DPYD: variants seen among roughly 807,000 people sequenced by gnomAD.
DPYD encodes dihydropyrimidine dehydrogenase [NADP(+)].
In DPYD, 109 loss-of-function variants were observed where a neutral mutation model predicts 116.2. That is an observed-to-expected ratio of 0.94 (90% CI 0.80 to 1.10). The LOEUF (loss-of-function observed/expected upper bound fraction) is 1.10, where lower values mean the gene tolerates loss of function less well. Among genes scored for constraint, DPYD ranks in the 50% least tolerant of loss-of-function variants. The pLI is 0.00. For synonymous variants in DPYD, 440 were observed against 432.0 expected (o/e 1.02, Z -0.23); for missense variants, 1,302 against 1,254.5 (o/e 1.04, Z -0.57).
intron 4 of DPYD, among the ~76,000 whole-genome samples, chr1:97,723,191 T>C (rs551739745): frequency 6.6e-6 from 1 of 151,796 alleles, no homozygotes; most frequent in East Asian, 1.9e-4. Context: ...CAGTGTCCCT[T>C]CAGCAATGAA....
chr1:97,814,732 C>T (rs1367126793), intron 3 of DPYD, among the ~76,000 whole-genome samples: 1 of 151,634 alleles, frequency 6.6e-6, no homozygotes, highest in Non-Finnish European at 1.5e-5. Context: ...GGTGAAACCC[C>T]GTATCCACTA....
intron 1 of DPYD, among the ~76,000 whole-genome samples, chr1:97,912,100 T>C (rs1673968228): frequency 6.6e-6 from 1 of 152,134 alleles, no homozygotes; most frequent in African/African-American, 2.4e-5. Context: ...TGGTTCCATT[T>C]CCATTTTGCT....
intron 2 of DPYD, among the ~76,000 whole-genome samples, chr1:97,877,437 T>C (rs1409850707): frequency 2.0e-5 from 3 of 151,932 alleles, no homozygotes; most frequent in Non-Finnish European, 4.4e-5. Context: ...ATACTTACAA[T>C]AGAATTAAGT....
chr1:97,815,007 G>A (rs1201813273), intron 3 of DPYD, among the ~76,000 whole-genome samples: 2 of 149,738 alleles, frequency 1.3e-5, no homozygotes. Context: ...AAGGGAAAGG[G>A]AAAAGGAAAA....
chr1:97,182,672 C>A (rs1171470470), intron 20 of DPYD, among the ~76,000 whole-genome samples: 1 of 152,050 alleles, frequency 6.6e-6, no homozygotes, highest in Non-Finnish European at 1.5e-5. Context: ...CAGGGCCATA[C>A]AATGAACTTG....
At position 97,082,314 on chromosome 1, in the gene DPYD, C is replaced by A. The variant is rs2101557716; in HGVS notation, c.2907+16G>T. On this transcript the variant is annotated intron_variant, in intron 22 of 22. Transcript: ENST00000370192. ...AAACATGTCTCATAGCATTCTAATT[C>A]CAGCAGGATTCTTACCTGGTAGCCA... 1 of 1,613,232 alleles carries A rather than the reference C, an allele frequency of 6.2e-7. No individual in the cohort carries two copies. The highest frequency in any genetic ancestry group is 8.5e-7 in the Non-Finnish European group (1 of 1,179,378).
intron 1 of DPYD, among the ~76,000 whole-genome samples, chr1:97,889,437 C>T (rs1445877502): frequency 1.3e-5 from 2 of 151,914 alleles, no homozygotes. Flanking sequence ...ACATATCATG[C>T]AAATAGCAGC....
intron 11 of DPYD, among the ~76,000 whole-genome samples, chr1:97,566,011 A>C (rs1652493193): frequency 6.6e-6 from 1 of 152,160 alleles, no homozygotes; most frequent in South Asian, 2.1e-4. Flanking sequence ...TTAATCTAAC[A>C]GTGCGGTGTT....
chr1:97,868,850 A>T (rs1671522216), intron 2 of DPYD, among the ~76,000 whole-genome samples: 1 of 151,726 alleles, frequency 6.6e-6, no homozygotes. Context: ...GACATATACC[A>T]CTGTGCTCCT....
chr1:97,457,168 G>A (rs867209642), intron 13 of DPYD, among the ~76,000 whole-genome samples: 2 of 149,490 alleles, frequency 1.3e-5, no homozygotes, highest in African/African-American at 2.4e-5. Context: ...AAAAATGTAC[G>A]ACCTGATTAG....
chr1:97,339,547 A>G (rs906596522), intron 16 of DPYD, among the ~76,000 whole-genome samples: 4 of 152,218 alleles, frequency 2.6e-5, no homozygotes, highest in African/African-American at 9.6e-5. Context: ...GTTAAGAAAA[A>G]AGGCACAATG....
At chr1:97,717,749 T>G (rs949131907) in intron 5 of DPYD, among the ~76,000 whole-genome samples, 1 of 152,070 alleles carries the variant, frequency 6.6e-6, no homozygotes, top group African/African-American at 2.4e-5. Context: ...TCCAACTCCA[T>G]CTACATTGCA....
chr1:97,329,358 A>T (rs959406639), intron 16 of DPYD, among the ~76,000 whole-genome samples: 1 of 152,202 alleles, frequency 6.6e-6, no homozygotes, highest in African/African-American at 2.4e-5. Context: ...AGCATTACAA[A>T]TGTACACTGC....
intron 11 of DPYD, among the ~76,000 whole-genome samples, chr1:97,552,584 A>C (rs1040333023): frequency 4.6e-5 from 7 of 152,080 alleles, no homozygotes; most frequent in African/African-American, 1.7e-4. Flanking sequence ...AACATTCATA[A>C]TACTCATGTA....
intron 3 of DPYD, among the ~76,000 whole-genome samples, chr1:97,817,101 A>G (rs1668661626): frequency 1.3e-5 from 2 of 152,236 alleles, no homozygotes; most frequent in South Asian, 2.1e-4. Flanking sequence ...ATTGGAACAC[A>G]GCCACATCAA....
intron 1 of DPYD, among the ~76,000 whole-genome samples, chr1:97,914,665 TAC>T (rs1674131256): frequency 6.6e-6 from 1 of 152,118 alleles, no homozygotes; most frequent in African/African-American, 2.4e-5. Context: ...CTAGGCCATA[TAC>T]TTCCTTTGTA....
At chr1:97,698,142 A>G (rs1161007104) in intron 6 of DPYD, among the ~76,000 whole-genome samples, 1 of 151,928 alleles carries the variant, frequency 6.6e-6, no homozygotes, top group Non-Finnish European at 1.5e-5. Flanking sequence ...CTTGGAATTC[A>G]TAGTAGTGGA....
chr1:97,892,185 T>A (rs547062534), intron 1 of DPYD, among the ~76,000 whole-genome samples: 151 of 152,006 alleles, frequency 9.9e-4, no homozygotes, highest in Non-Finnish European at 1.9e-3. Flanking sequence ...GCCAATTTTT[T>A]ATCAATAAAT....
intron 2 of DPYD, among the ~76,000 whole-genome samples, chr1:97,877,008 G>A (rs867619729): frequency 1.1e-4 from 17 of 151,992 alleles, no homozygotes; most frequent in South Asian, 4.1e-4. Flanking sequence ...TCAATGCCCA[G>A]CTCCTTAGGC....
Sources: allele counts gnomAD v4.1 joint callset (sites outside exome capture counted in the v4.1 genomes callset), GRCh38; gene constraint gnomAD v4.1.1; transcripts MANE v1.5; gene names NCBI Gene and HGNC (gene_info 2026-07-23, HGNC 2026-07-21).